KCNH8: variants seen among roughly 807,000 people sequenced by gnomAD.
KCNH8 encodes the protein potassium voltage-gated channel subfamily H member 8.
In KCNH8, 70 loss-of-function variants were observed where a neutral mutation model predicts 103.6. The ratio of observed to expected loss-of-function variants is 0.68; its 90% CI spans 0.56 to 0.82. The LOEUF (loss-of-function observed/expected upper bound fraction) is 0.82, where lower values mean the gene tolerates loss of function less well. Among genes scored for constraint, KCNH8 ranks in the 40% least tolerant of loss-of-function variants. The pLI is 0.00. For synonymous variants in KCNH8, 498 were observed against 489.4 expected (o/e 1.02, Z -0.23); for missense variants, 1,217 against 1,329.9 (o/e 0.92, Z 1.32).
chr3:19,500,641 T>A (rs2068559178), intron 11 of KCNH8, among the ~76,000 whole-genome samples: 2 of 151,916 alleles, frequency 1.3e-5, no homozygotes, highest in South Asian at 4.2e-4. Context: ...TCAAAACCGC[T>A]CAACTACATG....
chr3:19,259,964 TAGGG>T (rs919073859), intron 2 of KCNH8, among the ~76,000 whole-genome samples: 10 of 151,318 alleles, frequency 6.6e-5, no homozygotes, highest in African/African-American at 2.4e-4. Flanking sequence ...TGTGTGGAAA[TAGGG>T]AGGGCTGAAG....
chr3:19,374,862 T>C (rs2066166222), intron 5 of KCNH8, among the ~76,000 whole-genome samples: 1 of 152,190 alleles, frequency 6.6e-6, no homozygotes, highest in Non-Finnish European at 1.5e-5. Context: ...CCTTCACTTA[T>C]GAAGCTTAGT....
At chr3:19,268,483 T>C (rs1478042271) in intron 2 of KCNH8, among the ~76,000 whole-genome samples, 1 of 151,996 alleles carries the variant, frequency 6.6e-6, no homozygotes, top group Admixed American at 6.6e-5. Context: ...TAGGAGAAGG[T>C]AGGTAAACCA....
chr3:19,490,595 C>A (rs754242733), intron 11 of KCNH8, among the ~76,000 whole-genome samples: 1 of 152,154 alleles, frequency 6.6e-6, no homozygotes, highest in Admixed American at 6.5e-5. Flanking sequence ...GGTGTGGCAC[C>A]GGGTTGTCTG....
intron 15 of KCNH8, among the ~76,000 whole-genome samples, chr3:19,520,502 TC>T (rs2068953619): frequency 2.0e-5 from 3 of 152,078 alleles, no homozygotes; most frequent in South Asian, 4.1e-4. Context: ...TGTAAAATTA[TC>T]CCTCTTCTAA....
intron 1 of KCNH8, among the ~76,000 whole-genome samples, chr3:19,236,260 C>T (rs1342207725): frequency 6.6e-6 from 1 of 152,174 alleles, no homozygotes; most frequent in Non-Finnish European, 1.5e-5. Flanking sequence ...TTGAAGAAGT[C>T]TTCATCTGAG....
chr3:19,455,313 C>T (rs1373759510), intron 10 of KCNH8, among the ~76,000 whole-genome samples: 2 of 152,146 alleles, frequency 1.3e-5, no homozygotes, highest in Non-Finnish European at 2.9e-5. Context: ...AATAAATGTA[C>T]TCTCCACAGA....
At chr3:19,525,942 T>C (rs2069056301) in intron 15 of KCNH8, among the ~76,000 whole-genome samples, 2 of 151,998 alleles carry the variant, frequency 1.3e-5, no homozygotes, top group South Asian at 4.1e-4. Context: ...TCACTTGTTC[T>C]GAATGCTTTG....
chr3:19,241,967 T>C (rs2064148166), intron 1 of KCNH8, among the ~76,000 whole-genome samples: 1 of 152,126 alleles, frequency 6.6e-6, no homozygotes, highest in Non-Finnish European at 1.5e-5. Context: ...AGGGAAGGAC[T>C]CTGAGAAGTG....
intron 3 of KCNH8, among the ~76,000 whole-genome samples, chr3:19,312,180 C>T (rs962521201): frequency 3.9e-5 from 6 of 151,928 alleles, no homozygotes; most frequent in African/African-American, 1.4e-4. Context: ...TTGATTTAAA[C>T]TTCATTCGAA....
intron 7 of KCNH8, among the ~76,000 whole-genome samples, chr3:19,420,851 A>T (rs997053320): frequency 6.6e-6 from 1 of 152,184 alleles, no homozygotes; most frequent in Non-Finnish European, 1.5e-5. Context: ...TTTATTGGCA[A>T]CTGAGGATAT....
Position 19,390,630 on chromosome 3 carries a change from G to A in KCNH8, c.961G>A (p.Val321Ile), listed in dbSNP as rs781526388. Residue 321 changes from valine to isoleucine, a missense_variant, in exon 6 of 16, where the codon GTC (valine) becomes ATC (isoleucine). Coordinates refer to ENST00000328405, the MANE Select transcript of KCNH8 (RefSeq NM_144633.3). ...TTTTGATCTTCTGTATGCTTTCAAC[G>A]TCACAGTGGTGAGTAAAGAGCTCCC... is the stretch of plus-strand genomic sequence containing the variant. ...LPFDLLYAFN[V>I]TVVSLVHLLK... is the part of the protein sequence containing the mutation. The A allele has an allele frequency of 2.4e-5, 38 of 1,611,888 alleles. No homozygotes were observed. Among genetic ancestry groups the A allele is most frequent in the East Asian group, 8.9e-5 (4 of 44,816 alleles).
chr3:19,487,285 G>A (rs1445161746), intron 11 of KCNH8, among the ~76,000 whole-genome samples: 3 of 152,312 alleles, frequency 2.0e-5, no homozygotes, highest in East Asian at 1.9e-4. Context: ...TAAACCAACT[G>A]TCCTTAGCAG....
intron 2 of KCNH8, among the ~76,000 whole-genome samples, chr3:19,267,857 G>A (rs780218974): frequency 2.0e-5 from 3 of 152,018 alleles, no homozygotes; most frequent in Admixed American, 6.6e-5. Flanking sequence ...TCAACTTCCC[G>A]AGCCTCAGTT....
chr3:19,179,999 T>C (rs1044966579), intron 1 of KCNH8, among the ~76,000 whole-genome samples: 2 of 152,216 alleles, frequency 1.3e-5, no homozygotes, highest in East Asian at 1.9e-4. Context: ...TCAGAGTACA[T>C]AGGAAAAACT....
Position 19,384,053 on chromosome 3 carries a change from A to G in KCNH8, c.812-6428A>G, listed in dbSNP as rs1334258654. 2.0e-5 allele frequency among the ~76,000 whole-genome samples: 3 copies of G among 152,352 alleles called. No homozygotes were observed. In the East Asian group the frequency reaches 5.8e-4, roughly 29 times the overall value. On this transcript the variant is annotated intron_variant, in intron 5 of 15. Transcript: ENST00000328405. ...AGATAGTCTGTACACATGCCAATGG[A>G]CATGTTACATGGAAGTCTTTTGATA...
At chr3:19,258,019 G>A (rs930886661) in intron 2 of KCNH8, among the ~76,000 whole-genome samples, 4 of 151,948 alleles carry the variant, frequency 2.6e-5, no homozygotes, top group Admixed American at 6.6e-5. Context: ...GATGGTCTGT[G>A]TCCAAATTTT....
intron 1 of KCNH8, among the ~76,000 whole-genome samples, chr3:19,200,511 CT>C (rs764002269): frequency 1.6e-3 from 225 of 144,508 alleles, no homozygotes; most frequent in Non-Finnish European, 1.5e-3. Context: ...TGATTTCCAC[CT>C]TTTTTTTTTT....
intron 11 of KCNH8, among the ~76,000 whole-genome samples, chr3:19,462,109 C>T (rs1003184281): frequency 1.3e-4 from 20 of 152,248 alleles, no homozygotes; most frequent in Middle Eastern, 3.4e-3. Context: ...CATATGTGTG[C>T]ATGTGTCTTT....
Sources: allele counts gnomAD v4.1 joint callset (sites outside exome capture counted in the v4.1 genomes callset), GRCh38; gene constraint gnomAD v4.1.1; transcripts MANE v1.5; gene names NCBI Gene and HGNC (gene_info 2026-07-23, HGNC 2026-07-21).